YES1: variants seen among roughly 807,000 people sequenced by gnomAD.
The protein encoded by YES1 is tyrosine-protein kinase Yes.
A neutral mutation model predicts 70.4 loss-of-function variants in YES1; 39 were observed. The observed-to-expected ratio is 0.55, with a 90% CI of 0.43 to 0.72. YES1 has a LOEUF of 0.72. Among genes scored for constraint, YES1 ranks in the 30% least tolerant of loss-of-function variants. The probability of loss-of-function intolerance (pLI) is 0.00; values close to 1 mark genes in which losing one functional copy is unlikely to be tolerated. For missense variants in YES1, 495 were observed against 644.8 expected (o/e 0.77, Z 2.52); for synonymous variants, 198 against 218.6 (o/e 0.91, Z 0.83).
chr18:751,304 G>C (rs960262734), intron 3 of YES1, among the ~76,000 whole-genome samples: 12 of 151,998 alleles, frequency 7.9e-5, no homozygotes, highest in African/African-American at 2.7e-4. Context: ...TTGGAAAGTA[G>C]ATGGGTTCCT....
intron 1 of YES1, among the ~76,000 whole-genome samples, chr18:764,169 C>G (rs1904749805): frequency 6.6e-6 from 1 of 151,830 alleles, no homozygotes; most frequent in African/African-American, 2.4e-5. Context: ...TTTATTGAAC[C>G]TTTTAAAGTA....
intron 1 of YES1, among the ~76,000 whole-genome samples, chr18:794,223 C>G (rs913331290): frequency 3.9e-5 from 6 of 152,186 alleles, no homozygotes; most frequent in East Asian, 3.8e-4. Flanking sequence ...GTCTTGTACT[C>G]TGAAGAACAT....
chr18:783,834 G>T lies in YES1; in HGVS notation c.-8-26999C>A, dbSNP rs186680851. Among the ~76,000 whole-genome samples the T allele has an allele frequency of 4.8e-3, 731 of 152,216 alleles. 6 individuals carry two copies. Among genetic ancestry groups the T allele is most frequent in the African/African-American group, 0.017 (700 of 41,538 alleles). ...TCACCATGTTGGCCAGGCTAGTCTT[G>T]AACGCCTGACATCAGGTGATCCACC... On this transcript the variant is annotated intron_variant, in intron 1 of 11. Coordinates refer to ENST00000314574, the MANE Select transcript of YES1 (RefSeq NM_005433.4).
At chr18:751,985 T>A (rs1218730408) in intron 2 of YES1, among the ~76,000 whole-genome samples, 181 bp from the exon 3 acceptor site, 2 of 152,216 alleles carry the variant, frequency 1.3e-5, no homozygotes, top group Non-Finnish European at 2.9e-5. Flanking sequence ...TGACCATATT[T>A]TATGTTCTGG....
chr18:724,327 A>T lies in YES1; in HGVS notation c.*97T>A. The T allele has an allele frequency of 8.5e-7, 1 of 1,177,898 alleles. No homozygotes were observed. The highest frequency in any genetic ancestry group is 1.2e-6 in the Non-Finnish European group (1 of 840,830). 73.0% of individuals were successfully genotyped at this position (1,177,898 alleles called of 1,614,324 possible). ...TTCCAGTTTACCATTAAAAACATGCAGAGTAAAGAAGATTTTCTTCTTTTG... is the reference window on the plus strand; with the variant it reads ...TTCCAGTTTACCATTAAAAACATGCTGAGTAAAGAAGATTTTCTTCTTTTG... On this transcript the variant is annotated 3_prime_UTR_variant, in exon 12 of 12. Coordinates refer to ENST00000314574, the MANE Select transcript of YES1 (RefSeq NM_005433.4).
At chr18:798,265 C>T (rs552126965) in intron 1 of YES1, 2 of 152,318 alleles carry the variant, frequency 1.3e-5, no homozygotes, top group African/African-American at 4.8e-5. Context: ...GTTTCCTGAA[C>T]TACAGATTCA....
chr18:730,447 C>T (rs531665714), intron 11 of YES1, among the ~76,000 whole-genome samples: 2 of 151,250 alleles, frequency 1.3e-5, no homozygotes, highest in Admixed American at 1.3e-4. Flanking sequence ...TGGGCTCAAG[C>T]GATCCACCCA....
chr18:761,976 CG>C (rs1744849338), intron 1 of YES1, among the ~76,000 whole-genome samples: 1 of 151,822 alleles, frequency 6.6e-6, no homozygotes, highest in Admixed American at 6.6e-5. Context: ...CACCTGAGGT[CG>C]GGAGTTTGAG....
At chr18:756,476 TA>T in intron 2 of YES1, 80 bp downstream of exon 2, 1 of 1,517,028 alleles carries the variant, frequency 6.6e-7, no homozygotes. Flanking sequence ...ATATCTTTCT[TA>T]AAGGCAGACA....
chr18:724,474 C>A lies in YES1; in HGVS notation c.1582G>T (p.Asp528Tyr). ...TFEYIQSFLE[D>Y]YFTATEPQYQ... ...TGTGGCTCTGTAGCAGTGAAGTAGT[C>A]TTCCAAGAAGGACTGAATATATTCA... Residue 528 changes from aspartate to tyrosine, a missense_variant, in exon 12 of 12, where the codon GAC (aspartate) becomes TAC (tyrosine). Around this residue, in one of 2 missense-constraint regions of YES1, gnomAD observed 385 missense variants for 540.9 expected, o/e 0.71. Transcript: ENST00000314574. The A allele has an allele frequency of 6.2e-7, 1 of 1,614,172 alleles. No individual in the cohort carries two copies. Among genetic ancestry groups the A allele is most frequent in the Non-Finnish European group, 8.5e-7 (1 of 1,180,026 alleles).
upstream of YES1, chr18:812,270 T>G (rs953060049): frequency 6.6e-6 from 1 of 150,860 alleles, no homozygotes; most frequent in African/African-American, 2.4e-5. Context: ...ACGCGTTACT[T>G]CAGGAGGAGG....
intron 1 of YES1, among the ~76,000 whole-genome samples, chr18:786,496 TAC>T (rs56410052): frequency 0.12 from 16,103 of 139,384 alleles, 911 homozygotes; most frequent in East Asian, 0.22. Context: ...AATAAGTCCA[TAC>T]ACACACACAC....
intron 1 of YES1, among the ~76,000 whole-genome samples, chr18:790,934 T>G (rs1004956267): frequency 1.3e-5 from 2 of 152,144 alleles, no homozygotes; most frequent in South Asian, 2.1e-4. Context: ...CTATATTCAT[T>G]CATTAATTCA....
At chr18:780,032 G>A (rs943945848) in intron 1 of YES1, among the ~76,000 whole-genome samples, 2 of 151,724 alleles carry the variant, frequency 1.3e-5, no homozygotes, top group Non-Finnish European at 2.9e-5. Flanking sequence ...TCAGGAGTTC[G>A]AAACCAGCCT....
rs1425051763 is a variant in YES1, at chr18:732,447, A to AC, written c.1423+386_1423+387insG. Reference sequence around the variant, plus strand: ...GCAAGACTGTGTTTAAAAAAAAAAAAAAAAAAAAAACAAAACACCAATCAC... The same window carrying AC: ...GCAAGACTGTGTTTAAAAAAAAAAAACAAAAAAAAAACAAAACACCAATCAC... On this transcript the variant is annotated intron_variant, in intron 11 of 11. Coordinates refer to ENST00000314574, the MANE Select transcript of YES1 (RefSeq NM_005433.4). Among the ~76,000 whole-genome samples the AC allele has an allele frequency of 2.1e-4, 31 of 145,836 alleles. 1 individual carries two copies. Among genetic ancestry groups the AC allele is most frequent in the Admixed American group, 1.2e-3 (17 of 14,242 alleles).
intron 1 of YES1, among the ~76,000 whole-genome samples, chr18:809,032 G>C (rs758374764): frequency 1.3e-5 from 2 of 152,092 alleles, no homozygotes. Context: ...TCTTGATGCC[G>C]TAATTGAGTT....
intron 1 of YES1, among the ~76,000 whole-genome samples, chr18:810,037 T>C (rs1339622685): frequency 6.6e-6 from 1 of 152,060 alleles, no homozygotes; most frequent in Non-Finnish European, 1.5e-5. Context: ...TTACCCAAGT[T>C]TGGGTGACCC....
At chr18:799,057 G>T (rs1906684805) in intron 1 of YES1, among the ~76,000 whole-genome samples, 1 of 152,036 alleles carries the variant, frequency 6.6e-6, no homozygotes, top group South Asian at 2.1e-4. Context: ...TTTCTTAAAT[G>T]TGTTAGTCCG....
chr18:778,281 T>C (rs1012244366), intron 1 of YES1, among the ~76,000 whole-genome samples: 1 of 152,234 alleles, frequency 6.6e-6, no homozygotes, highest in African/African-American at 2.4e-5. Context: ...GTGTATAGCA[T>C]TCTTTGTTCA....
Sources: gnomAD v4.1 joint callset for allele counts (sites outside exome capture counted in the v4.1 genomes callset) on GRCh38, gnomAD v4.1.1 for gene constraint, gnomAD v4.1.1 regional missense constraint, MANE v1.5 for transcripts, NCBI Gene and HGNC (gene_info 2026-07-23, HGNC 2026-07-21) for gene names.